The following CLPB variants were observed in gnomAD, a reference collection of about 807,000 sequenced individuals.
The protein encoded by CLPB is mitochondrial disaggregase.
Under a neutral mutation model 78.4 loss-of-function variants are expected in CLPB, and 40 were observed. That is an observed-to-expected ratio of 0.51 (90% CI 0.40 to 0.66). The LOEUF (loss-of-function observed/expected upper bound fraction) is 0.66. Ranked by LOEUF, CLPB falls within the 30% of genes least tolerant of loss-of-function variation. The probability of loss-of-function intolerance (pLI) is 0.00; values close to 1 mark genes in which losing one functional copy is unlikely to be tolerated. For synonymous variants in CLPB, 333 were observed against 348.0 expected (o/e 0.96, Z 0.48); for missense variants, 780 against 886.9 (o/e 0.88, Z 1.53).
intron 4 of CLPB, among the ~76,000 whole-genome samples, chr11:72,369,224 C>T (rs970539794): frequency 2.0e-5 from 3 of 152,170 alleles, no homozygotes; most frequent in African/African-American, 7.2e-5. Flanking sequence ...CTCACCTTCA[C>T]ACCACCAAAT....
intron 2 of CLPB, among the ~76,000 whole-genome samples, chr11:72,408,895 C>T (rs921196848): frequency 1.2e-4 from 19 of 152,178 alleles, no homozygotes; most frequent in Non-Finnish European, 5.9e-5. Context: ...GCGGGCTGCC[C>T]GCTGAGAGAG....
chr11:72,341,603 G>A (rs1950421881), intron 5 of CLPB, among the ~76,000 whole-genome samples: 1 of 152,222 alleles, frequency 6.6e-6, no homozygotes, highest in African/African-American at 2.4e-5. Context: ...CAAAGTGAAT[G>A]AGGACAGGTT....
rs541048142 is a variant in CLPB, at chr11:72,318,802, C to T, written c.874-1582G>A. Reference sequence around the variant, plus strand: ...CCAATCCCAGTGGAGTGACACTTGCCGGTTGGAATCCAGAGTGTCACTGTG... The same window carrying T: ...CCAATCCCAGTGGAGTGACACTTGCTGGTTGGAATCCAGAGTGTCACTGTG... On this transcript the variant is annotated intron_variant, in intron 6 of 15. Transcript: ENST00000538039. Among the ~76,000 whole-genome samples the T allele has an allele frequency of 5.9e-5, 9 of 152,272 alleles. No homozygotes were observed. The South Asian group carries it at 6.2e-4, about 11-fold the overall frequency.
At chr11:72,432,259 G>A (rs1276941487) in intron 1 of CLPB, among the ~76,000 whole-genome samples, 1 of 152,148 alleles carries the variant, frequency 6.6e-6, no homozygotes, top group African/African-American at 2.4e-5. Flanking sequence ...CATTTACTGA[G>A]CACCTACTAA....
rs190469621 is a variant in CLPB, at chr11:72,326,190, G to T, written c.873+3517C>A. Among the ~76,000 whole-genome samples the T allele has an allele frequency of 1.6e-3, 246 of 152,234 alleles. 1 individual carries two copies. The highest frequency in any genetic ancestry group is 6.8e-3 in the Middle Eastern group (2 of 294). ...TTTGATAAAAACAGTATATATCATT[G>T]TTATAATTAATTAAAAATATTAATA... On this transcript the variant is annotated intron_variant, in intron 6 of 15. Coordinates refer to ENST00000538039, the MANE Select transcript of CLPB (RefSeq NM_001258392.3).
intron 6 of CLPB, among the ~76,000 whole-genome samples, chr11:72,325,031 C>G (rs1292720632): frequency 2.0e-5 from 3 of 151,886 alleles, no homozygotes; most frequent in African/African-American, 7.3e-5. Flanking sequence ...TTAAAATGAG[C>G]AATAAATTCC....
intron 2 of CLPB, among the ~76,000 whole-genome samples, chr11:72,424,736 A>C (rs1186771327): frequency 6.6e-6 from 1 of 152,184 alleles, no homozygotes; most frequent in Non-Finnish European, 1.5e-5. Flanking sequence ...AATACAAAAA[A>C]TTAGCCGGGC....
At chr11:72,427,420 G>T (rs964337975) in intron 2 of CLPB, among the ~76,000 whole-genome samples, 1 of 152,340 alleles carries the variant, frequency 6.6e-6, no homozygotes, top group African/African-American at 2.4e-5. Flanking sequence ...ACCCAACCAT[G>T]TGTAACCTAC....
intron 2 of CLPB, among the ~76,000 whole-genome samples, chr11:72,419,684 G>A (rs1482431468): frequency 3.3e-5 from 5 of 152,146 alleles, no homozygotes; most frequent in Non-Finnish European, 4.4e-5. Flanking sequence ...CCTTGTGCTA[G>A]AGAGCTCTTC....
chr11:72,366,939 C>A (rs1950953883), intron 4 of CLPB, among the ~76,000 whole-genome samples: 1 of 152,124 alleles, frequency 6.6e-6, no homozygotes, highest in South Asian at 2.1e-4. Flanking sequence ...TTCATCACAG[C>A]ACTATTCACG....
Position 72,294,464 on chromosome 11 carries a change from G to A in CLPB, c.1561-20C>T. On this transcript the variant is annotated intron_variant, in intron 13 of 15. Coordinates refer to ENST00000538039, the MANE Select transcript of CLPB (RefSeq NM_001258392.3). The stretch of plus-strand genomic sequence containing the variant: ...GTGAGCCTGAAGGGCCAGGTTAGGG[G>A]TGGGATGAGCTCAGTGACCCAGAGC... 1.9e-6 allele frequency: 3 copies of A among 1,613,918 alleles called. No individual in the cohort carries two copies. The highest frequency in any genetic ancestry group is 2.5e-6 in the Non-Finnish European group (3 of 1,179,936).
intron 6 of CLPB, among the ~76,000 whole-genome samples, chr11:72,320,713 T>C: frequency 6.6e-6 from 1 of 152,080 alleles, no homozygotes; most frequent in South Asian, 2.1e-4. Context: ...TTCTTTTATT[T>C]TATATATATA....
At chr11:72,351,696 C>T (rs1950616269) in intron 5 of CLPB, among the ~76,000 whole-genome samples, 1 of 152,116 alleles carries the variant, frequency 6.6e-6, no homozygotes, top group African/African-American at 2.4e-5. Context: ...CTCAGCCTCC[C>T]AAGTAGCTGG....
At chr11:72,346,795 T>C (rs1032714425) in intron 5 of CLPB, among the ~76,000 whole-genome samples, 2 of 151,530 alleles carry the variant, frequency 1.3e-5, no homozygotes, top group Admixed American at 6.6e-5. Flanking sequence ...CTGGCCAACA[T>C]GGTGAAACCC....
At chr11:72,346,096 G>A (rs371272585) in intron 5 of CLPB, among the ~76,000 whole-genome samples, 1 of 152,186 alleles carries the variant, frequency 6.6e-6, no homozygotes, top group Non-Finnish European at 1.5e-5. Context: ...GGGCAGATGA[G>A]GGGGCAGGCA....
At chr11:72,402,312 T>C (rs1565487355) in intron 3 of CLPB, among the ~76,000 whole-genome samples, 1 of 152,124 alleles carries the variant, frequency 6.6e-6, no homozygotes, top group African/African-American at 2.4e-5. Context: ...CCAGACCAGG[T>C]TCTAAATCCT....
intron 3 of CLPB, among the ~76,000 whole-genome samples, chr11:72,383,757 A>G (rs1854991516): frequency 6.6e-6 from 1 of 152,190 alleles, no homozygotes; most frequent in Non-Finnish European, 1.5e-5. Flanking sequence ...GAAATCAAGG[A>G]AAGATAAAGA....
chr11:72,386,045 G>C (rs1329851304), intron 3 of CLPB, among the ~76,000 whole-genome samples: 3 of 152,156 alleles, frequency 2.0e-5, no homozygotes, highest in Non-Finnish European at 4.4e-5. Flanking sequence ...ATATTACTAA[G>C]TTGCTTTGCA....
chr11:72,395,037 T>G (rs1855364949), intron 3 of CLPB, among the ~76,000 whole-genome samples: 1 of 152,172 alleles, frequency 6.6e-6, no homozygotes, highest in Non-Finnish European at 1.5e-5. Flanking sequence ...GCTCTCCCCC[T>G]ACTCCCTATG....
Sources: allele counts gnomAD v4.1 joint callset (sites outside exome capture counted in the v4.1 genomes callset), GRCh38; gene constraint gnomAD v4.1.1; transcripts MANE v1.5; gene names NCBI Gene and HGNC (gene_info 2026-07-23, HGNC 2026-07-21).